The following KLHL29 variants were observed in gnomAD, a reference collection of about 807,000 sequenced individuals.
KLHL29 encodes kelch-like protein 29.
Under a neutral mutation model 80.4 loss-of-function variants are expected in KLHL29, and 21 were observed. The observed-to-expected ratio is 0.26, with a 90% confidence interval of 0.19 to 0.38. The LOEUF is 0.38. Among genes scored for constraint, KLHL29 ranks in the 10% least tolerant of loss-of-function variants. The probability of loss-of-function intolerance (pLI) is 1.00; values close to 1 mark genes in which losing one functional copy is unlikely to be tolerated. For synonymous variants in KLHL29, 511 were observed against 526.8 expected, an observed-to-expected ratio of 0.97 and a Z score of 0.41; for missense variants, 867 against 1,223.9, an observed-to-expected ratio of 0.71 and a Z score of 4.35.
intron 3 of KLHL29, among the ~76,000 whole-genome samples, chr2:23,584,115 C>T (rs1035961323): frequency 2.0e-5 from 3 of 152,152 alleles, no homozygotes; most frequent in Admixed American, 1.3e-4. Context: ...TCAGCCGAGG[C>T]TTATGGGCCT....
At chr2:23,607,823 C>G (rs1207405573) in intron 3 of KLHL29, among the ~76,000 whole-genome samples, 1 of 152,196 alleles carries the variant, frequency 6.6e-6, no homozygotes, top group Non-Finnish European at 1.5e-5. Context: ...TCCCCACACC[C>G]CCAGCCCCAT....
chr2:23,621,504 G>C (rs191760212), intron 3 of KLHL29, among the ~76,000 whole-genome samples: 34 of 150,584 alleles, frequency 2.3e-4, no homozygotes, highest in Admixed American at 1.3e-3. Context: ...GGGAGGAGAA[G>C]ACAAGGAGGA....
intron 2 of KLHL29, among the ~76,000 whole-genome samples, chr2:23,516,091 G>T (rs1665913587): frequency 6.6e-6 from 1 of 152,338 alleles, no homozygotes; most frequent in South Asian, 2.1e-4. Flanking sequence ...CTAGAGCTTA[G>T]AAGGGTTCTC....
intron 3 of KLHL29, among the ~76,000 whole-genome samples, chr2:23,571,228 T>A (rs1293961802): frequency 6.6e-6 from 1 of 152,222 alleles, no homozygotes; most frequent in Non-Finnish European, 1.5e-5. Flanking sequence ...AGGTTAGAAG[T>A]GGCCCTCAGA....
intron 3 of KLHL29, among the ~76,000 whole-genome samples, chr2:23,625,279 A>G (rs1669280526): frequency 6.6e-6 from 1 of 152,258 alleles, no homozygotes; most frequent in Non-Finnish European, 1.5e-5. Context: ...TTTAGGAGCA[A>G]GCAAAGGAAA....
intron 7 of KLHL29, among the ~76,000 whole-genome samples, chr2:23,692,737 G>A (rs1463974753): frequency 5.9e-5 from 9 of 152,172 alleles, no homozygotes; most frequent in Admixed American, 5.9e-4. Flanking sequence ...TCCCACCCCA[G>A]ACCTAGCCAC....
At chr2:23,644,365 G>C (rs914519662) in intron 5 of KLHL29, 8 of 152,156 alleles carry the variant, frequency 5.3e-5, no homozygotes, top group Non-Finnish European at 8.8e-5. Context: ...CTACTTCCAA[G>C]GCTATGCCAA....
In KLHL29 at chr2:23,670,969, TCTC is replaced by T. The variant is rs1558432926; in HGVS notation, c.941-13429_941-13427del. On this transcript the variant is annotated intron_variant, in intron 5 of 13. Coordinates refer to ENST00000486442, the MANE Select transcript of KLHL29 (RefSeq NM_052920.2). Reference sequence around the variant, plus strand: ...CTCTCTCTCTCTCTCTCTCTCTCTCTCTCTCTCTCTCCCTCCCTCCCTCCCTCC... The same window carrying T: ...CTCTCTCTCTCTCTCTCTCTCTCTCTTCTCTCTCCCTCCCTCCCTCCCTCC... 2.0e-3 allele frequency among the ~76,000 whole-genome samples: 31 copies of T among 15,686 alleles called. 2 individuals carry two copies. Among genetic ancestry groups the T allele is most frequent in the African/African-American group, 5.9e-3 (30 of 5,116 alleles). 10.3% of individuals were successfully genotyped at this position (15,686 alleles called of 152,430 possible).
chr2:23,696,620 G>T lies in KLHL29; in HGVS notation c.2105+107G>T. Reference sequence around the variant, plus strand: ...ACCCACTCAGTGGCGATGGAGCAGAGCCTGGACCATTCATATGGGCAGTCA... The same window carrying T: ...ACCCACTCAGTGGCGATGGAGCAGATCCTGGACCATTCATATGGGCAGTCA... On this transcript the variant is annotated intron_variant, in intron 11 of 13. Transcript: ENST00000486442. The surrounding 1 kb of genome is among the most constrained non-coding windows in gnomAD (Gnocchi z 5.5). 1 of 885,670 alleles carries T rather than the reference G, an allele frequency of 1.1e-6. No homozygotes were observed. 54.9% of individuals were successfully genotyped at this position (885,670 alleles called of 1,614,324 possible).
intron 1 of KLHL29, among the ~76,000 whole-genome samples, chr2:23,420,832 C>T (rs1045294038): frequency 6.6e-6 from 1 of 152,136 alleles, no homozygotes; most frequent in African/African-American, 2.4e-5. Flanking sequence ...CTATGAGTGG[C>T]ACATGTACGA....
At chr2:23,458,012 C>CA (rs1343392031) in intron 1 of KLHL29, among the ~76,000 whole-genome samples, 2 of 151,274 alleles carry the variant, frequency 1.3e-5, no homozygotes. Flanking sequence ...GACTCTGTCT[C>CA]AAAAAATAAA....
chr2:23,703,437 T>C (rs1678341111), intron 12 of KLHL29, 58 bp downstream of exon 12: 2 of 1,354,330 alleles, frequency 1.5e-6, no homozygotes, highest in Non-Finnish European at 2.0e-6. Flanking sequence ...CCTTGCTGAT[T>C]TGTTCAGTAT....
intron 2 of KLHL29, among the ~76,000 whole-genome samples, chr2:23,529,641 C>A (rs111529642): frequency 6.6e-6 from 1 of 152,088 alleles, no homozygotes; most frequent in Non-Finnish European, 1.5e-5. Flanking sequence ...ATGAGCATAC[C>A]GAAGAGGCGA....
intron 1 of KLHL29, among the ~76,000 whole-genome samples, chr2:23,406,288 AC>A (rs753450611): frequency 1.7e-4 from 25 of 143,932 alleles, no homozygotes; most frequent in Non-Finnish European, 2.8e-4. Context: ...AGATCACACC[AC>A]TGCACTCCAG....
intron 5 of KLHL29, among the ~76,000 whole-genome samples, chr2:23,644,887 C>T (rs1276031435): frequency 6.6e-6 from 1 of 152,256 alleles, no homozygotes; most frequent in Non-Finnish European, 1.5e-5. Flanking sequence ...GCCCTGCCTT[C>T]TGGTGAGCCA....
intron 3 of KLHL29, among the ~76,000 whole-genome samples, chr2:23,621,535 G>A (rs1247965517): frequency 6.6e-6 from 1 of 151,786 alleles, no homozygotes; most frequent in African/African-American, 2.4e-5. Context: ...CTCAGGAGGA[G>A]GAGGAGGAGA....
chr2:23,424,819 A>G lies in KLHL29; in HGVS notation c.-154+39039A>G, dbSNP rs143212267. Among the ~76,000 whole-genome samples the G allele has an allele frequency of 1.3e-4, 20 of 152,372 alleles. No homozygotes were observed. In the East Asian group the frequency reaches 2.9e-3, roughly 22 times the overall value. Reference sequence around the variant, plus strand: ...AATCTCGCTTTATCTCATCATTTAGATAACATTTGAACATTACTAAAACAC... The same window carrying G: ...AATCTCGCTTTATCTCATCATTTAGGTAACATTTGAACATTACTAAAACAC... On this transcript the variant is annotated intron_variant, in intron 1 of 13. Transcript: ENST00000486442.
intron 2 of KLHL29, among the ~76,000 whole-genome samples, chr2:23,515,006 T>C (rs1665879731): frequency 6.6e-6 from 1 of 152,138 alleles, no homozygotes; most frequent in Non-Finnish European, 1.5e-5. Context: ...AAAACTAGGG[T>C]TCATCTGAGA....
intron 2 of KLHL29, among the ~76,000 whole-genome samples, chr2:23,511,209 C>T (rs570808736): frequency 5.9e-5 from 9 of 152,084 alleles, no homozygotes; most frequent in South Asian, 4.2e-4. Flanking sequence ...GGAGTGTGGC[C>T]CAGGATTTGA....
Sources: allele counts gnomAD v4.1 joint callset (sites outside exome capture counted in the v4.1 genomes callset), GRCh38; gene constraint gnomAD v4.1.1; non-coding constraint Gnocchi (gnomAD v3.1); transcripts MANE v1.5; gene names NCBI Gene and HGNC (gene_info 2026-07-23, HGNC 2026-07-21).